UCP2: variants seen among roughly 807,000 people sequenced by gnomAD.
UCP2 encodes the protein uncoupling protein 2, also known as dicarboxylate carrier SLC25A8.
UCP2 carries 27 observed loss-of-function variants against 31.3 expected under a neutral mutation model. That is an observed-to-expected ratio of 0.86 (90% confidence interval 0.64 to 1.19). The LOEUF (loss-of-function observed/expected upper bound fraction) is 1.19, where lower values mean the gene tolerates loss of function less well. UCP2 is among the 50% of genes most tolerant of loss of function. UCP2 has a pLI of 0.00. For synonymous variants in UCP2, 142 were observed against 157.4 expected, an observed-to-expected ratio of 0.90 and a Z score of 0.73; for missense variants, 377 against 413.5, an observed-to-expected ratio of 0.91 and a Z score of 0.76.
chr11:73,976,832 G>A lies in UCP2; in HGVS notation c.523C>T (p.Leu175Phe). The change falls in exon 5 of 8, where the codon CTC becomes TTC. Residue 175 changes from leucine (L) to phenylalanine (F), a missense_variant. By Grantham distance (22) the Leu-to-Phe change is conservative. Transcript: ENST00000663595. ...AACAACTGGTACACACCTTTCCAGA[G>A]GCCCCGGAACCCTTCCTCTCGGGCA... ...TIAREEGFRG[L>F]WKGTSPNVAR... The A allele has an allele frequency of 6.2e-7, 1 of 1,614,232 alleles. No homozygotes were observed. Among genetic ancestry groups the A allele is most frequent in the East Asian group, 2.2e-5 (1 of 44,886 alleles).
intron 2 of UCP2, among the ~76,000 whole-genome samples, chr11:73,980,453 C>T (rs144028755): frequency 1.1e-4 from 16 of 152,324 alleles, no homozygotes; most frequent in Middle Eastern, 3.4e-3. Flanking sequence ...AGCTTGCCCA[C>T]GAGGCTCAGT....
chr11:73,976,885 TG>T lies in UCP2; in HGVS notation c.469del (p.Gln157LysfsTer39), dbSNP rs1356468173. On this transcript the variant is annotated frameshift_variant, in exon 5 of 8. Transcript: ENST00000663595. LOFTEE classifies it high-confidence loss of function. ...QARAGGGRRY[Q>X]STVNAYKTIA... is the part of the protein sequence containing the mutation. Reference sequence around the variant, plus strand: ...GGTCTTGTAGGCATTGACGGTGCTTTGGTATCTCCGACCACCTCCAGCCCGG... The same window carrying T: ...GGTCTTGTAGGCATTGACGGTGCTTTGTATCTCCGACCACCTCCAGCCCGG... The T allele has an allele frequency of 1.2e-6, 2 of 1,614,194 alleles. No individual in the cohort carries two copies. Among genetic ancestry groups the T allele is most frequent in the South Asian group, 2.2e-5 (2 of 91,080 alleles).
At chr11:73,976,581 C>G in intron 6 of UCP2, 60 bp downstream of exon 6, 1 of 1,386,854 alleles carries the variant, frequency 7.2e-7, no homozygotes, top group Middle Eastern at 1.8e-4. Flanking sequence ...GCTAGACCCC[C>G]GCACCTGCTC....
Position 73,974,731 on chromosome 11 carries a change from CG to C in UCP2, c.*275del. 1 of 473,390 alleles carries C rather than the reference CG, an allele frequency of 2.1e-6. No individual in the cohort carries two copies. Among genetic ancestry groups the C allele is most frequent in the Non-Finnish European group, 3.9e-6 (1 of 257,302 alleles). 29.3% of individuals were successfully genotyped at this position (473,390 alleles called of 1,614,324 possible). A position where few individuals can be genotyped will look rare whatever the true frequency, so the allele number is the denominator to read the frequency against. Reference sequence around the variant, plus strand: ...CTAGGCTGGGCTGTCGGGGGCAGGACGAAGATTCTGGCTGAACTTTCCAAGG... The same window carrying C: ...CTAGGCTGGGCTGTCGGGGGCAGGACAAGATTCTGGCTGAACTTTCCAAGG... On this transcript the variant is annotated 3_prime_UTR_variant, in exon 8 of 8. Transcript: ENST00000663595.
At position 73,975,477 on chromosome 11, in the gene UCP2, G is replaced by A. The variant is rs1193989746; in HGVS notation, c.815+14C>T. ...CAAGAGGCCTGAACTGGGTGGGGAG[G>A]ACCAGAGGCTCACCCTTTGTAGAAG... On this transcript the variant is annotated intron_variant, in intron 7 of 7. Transcript: ENST00000663595. The A allele has an allele frequency of 6.2e-7, 1 of 1,604,896 alleles. No homozygotes were observed. Among genetic ancestry groups the A allele is most frequent in the African/African-American group, 1.3e-5 (1 of 74,686 alleles).
chr11:73,976,917 A>G lies in UCP2; in HGVS notation c.438T>C (p.Ala146=). ...PTDVVKVRFQ[A]QARAGGGRRY... ...TCCGACCACCTCCAGCCCGGGCCTG[A>G]GCTTGGAATCGGACCTTTACCACAT... Residue 146 remains alanine (A), a synonymous_variant, in exon 5 of 8, where the codon GCT becomes GCC. Coordinates refer to ENST00000663595, the MANE Select transcript of UCP2 (RefSeq NM_003355.3). 1.2e-6 allele frequency: 2 copies of G among 1,613,910 alleles called. No individual in the cohort carries two copies. Among genetic ancestry groups the G allele is most frequent in the South Asian group, 2.2e-5 (2 of 91,074 alleles).
intron 6 of UCP2, 87 bp downstream of exon 6, chr11:73,976,554 G>A: frequency 9.6e-7 from 1 of 1,043,354 alleles, no homozygotes; most frequent in South Asian, 1.3e-5. Flanking sequence ...ATGAAAAGAT[G>A]TGGTCTTCTG....
At chr11:73,977,479 G>A (rs1951372074) in intron 4 of UCP2, among the ~76,000 whole-genome samples, 1 of 151,960 alleles carries the variant, frequency 6.6e-6, no homozygotes, top group Admixed American at 6.6e-5. Flanking sequence ...GTAAAATGGA[G>A]GGTTGGCATG....
chr11:73,982,457 C>T (rs986431079), intron 1 of UCP2, among the ~76,000 whole-genome samples: 1 of 152,114 alleles, frequency 6.6e-6, no homozygotes, highest in Non-Finnish European at 1.5e-5. Flanking sequence ...TGGTGGCGGG[C>T]GCCTGTAATC....
Position 73,978,320 on chromosome 11 carries a change from G to A in UCP2, c.59C>T (p.Ala20Val), listed in dbSNP as rs774480323. 2.1e-5 allele frequency: 34 copies of A among 1,614,088 alleles called. No individual in the cohort carries two copies. The highest frequency in any genetic ancestry group is 3.3e-5 in the Admixed American group (2 of 60,002). Residue 20 changes from alanine to valine, a missense_variant, in exon 3 of 8, where the codon GCT becomes GTT. By Grantham distance (64) the Ala-to-Val change is moderately conservative (BLOSUM62 0). Coordinates refer to ENST00000663595, the MANE Select transcript of UCP2 (RefSeq NM_003355.3). ...ATCTGCGATGCAGGCAGCTGTGCCA[G>A]CCCCAAGAAACTTCACAGTGGCAGT... ...PPTATVKFLG[A>V]GTAACIADLI...
Position 73,977,839 on chromosome 11 carries a change from A to C in UCP2, c.337+47T>G, listed in dbSNP as rs45521333. 6.5e-4 allele frequency: 1,047 copies of C among 1,611,352 alleles called. 5 individuals are homozygous for C. The African/African-American group carries it at 0.012, about 18-fold the overall frequency. ...GCTGAATGAACTAAGATCAATCATC[A>C]CTGAGAAAAAAGGGCCAAGGGGCCT... On this transcript the variant is annotated intron_variant, in intron 4 of 7. Transcript: ENST00000663595.
rs147258719 is a variant in UCP2, at chr11:73,979,747, G to A, written c.-99-1270C>T. ...TTGGGACGATTGCTTGAGCCCAGGA[G>A]GTTGAGGCTGCAGTGAGCTGTGATT... On this transcript the variant is annotated intron_variant, in intron 2 of 7. Coordinates refer to ENST00000663595, the MANE Select transcript of UCP2 (RefSeq NM_003355.3). 7.9e-5 allele frequency among the ~76,000 whole-genome samples: 12 copies of A among 152,006 alleles called. 1 individual carries two copies. The East Asian group carries it at 2.3e-3, about 29-fold the overall frequency.
intron 1 of UCP2, among the ~76,000 whole-genome samples, chr11:73,982,357 C>A (rs1015559426): frequency 6.6e-6 from 1 of 152,232 alleles, no homozygotes; most frequent in African/African-American, 2.4e-5. Context: ...GAGGCCGAGG[C>A]GGGCGGATTG....
intron 1 of UCP2, among the ~76,000 whole-genome samples, chr11:73,981,934 G>C (rs920541413): frequency 2.0e-5 from 3 of 152,160 alleles, no homozygotes; most frequent in African/African-American, 2.4e-5. Flanking sequence ...AGTTGTGAGG[G>C]GGTCACGATG....
At position 73,976,684 on chromosome 11, in the gene UCP2, A is replaced by C. The variant is rs1951350818; in HGVS notation, c.591T>G (p.Tyr197Ter). The C allele has an allele frequency of 6.2e-7, 1 of 1,614,192 alleles. No individual in the cohort carries two copies. Among genetic ancestry groups the C allele is most frequent in the Admixed American group, 1.7e-5 (1 of 60,024 alleles). The change falls in exon 6 of 8, where the codon TAT (tyrosine) becomes TAG (stop). Residue 197 changes from tyrosine (Y) to a stop codon, truncating the protein, a stop_gained. Transcript: ENST00000663595. LOFTEE classifies it high-confidence loss of function. The part of the protein sequence containing the change: ...AIVNCAELVT[Y>*]DLIKDALLKA... ...TCAGGAGGGCATCCTTGATGAGGTC[A>C]TAGGTCACCAGCTCAGCACAGTTGA...
At chr11:73,976,772 C>A in intron 5 of UCP2, 30 bp from the exon 6 acceptor site, 1 of 1,614,144 alleles carries the variant, frequency 6.2e-7, no homozygotes, top group South Asian at 1.1e-5. Flanking sequence ...CTGGGTGAGA[C>A]CAGAGTATCG....
intron 6 of UCP2, 109 bp from the exon 7 acceptor site, chr11:73,975,780 G>T: frequency 7.3e-7 from 1 of 1,375,876 alleles, no homozygotes; most frequent in Non-Finnish European, 1.0e-6. Flanking sequence ...GAGACAGAGA[G>T]GCTGGGCACA....
At position 73,982,027 on chromosome 11, in the gene UCP2, G is replaced by A. The variant is rs45493400; in HGVS notation, c.-256-395C>T. Among the ~76,000 whole-genome samples the A allele has an allele frequency of 2.3e-3, 355 of 152,238 alleles. 1 individual carries two copies. The highest frequency in any genetic ancestry group is 8.1e-3 in the African/African-American group (336 of 41,530). On this transcript the variant is annotated intron_variant, in intron 1 of 7. Coordinates refer to ENST00000663595, the MANE Select transcript of UCP2 (RefSeq NM_003355.3). ...AGGGCTGGGAGCCGGCCCTGCAGAGGCCAGATTGAGCAGCTCAAAGCCCAC... is the reference window on the plus strand; with the variant it reads ...AGGGCTGGGAGCCGGCCCTGCAGAGACCAGATTGAGCAGCTCAAAGCCCAC...
Position 73,975,506 on chromosome 11 carries a change from C to A in UCP2, c.800G>T (p.Arg267Leu), listed in dbSNP as rs753260142. The A allele has an allele frequency of 6.2e-7, 1 of 1,610,844 alleles. No homozygotes were observed. The highest frequency in any genetic ancestry group is 8.5e-7 in the Non-Finnish European group (1 of 1,178,130). ...ALTMLQKEGP[R>L]AFYKGFMPSF... ...AGAGGCTCACCCTTTGTAGAAGGCTCGGGGCCCCTCCTTCTGGAGCATGGT... is the reference window on the plus strand; with the variant it reads ...AGAGGCTCACCCTTTGTAGAAGGCTAGGGGCCCCTCCTTCTGGAGCATGGT... Residue 267 changes from arginine (R) to leucine (L), a missense_variant, in exon 7 of 8, where the codon CGA becomes CTA. Physicochemically the swap from Arg to Leu is moderately radical, Grantham distance 102. Coordinates refer to ENST00000663595, the MANE Select transcript of UCP2 (RefSeq NM_003355.3).
Sources: allele counts gnomAD v4.1 joint callset (sites outside exome capture counted in the v4.1 genomes callset), GRCh38; gene constraint gnomAD v4.1.1; transcripts MANE v1.5; gene names NCBI Gene and HGNC (gene_info 2026-07-23, HGNC 2026-07-21).